FHIT: variants seen among roughly 807,000 people sequenced by gnomAD.
FHIT encodes the protein fragile histidine triad diadenosine triphosphatase.
Under a neutral mutation model 17.9 loss-of-function variants are expected in FHIT, and 19 were observed. The ratio of observed to expected loss-of-function variants is 1.06; its 90% CI spans 0.74 to 1.56. The LOEUF (loss-of-function observed/expected upper bound fraction) is 1.56. Among genes scored for constraint, FHIT ranks in the 40% most tolerant of loss-of-function variants. FHIT has a pLI of 0.00. For missense variants in FHIT, 248 were observed against 189.2 expected, an observed-to-expected ratio of 1.31 and a Z score of -1.82; for synonymous variants, 81 against 69.7, an observed-to-expected ratio of 1.16 and a Z score of -0.81.
chr3:60,450,458 G>C (rs1310450964), intron 5 of FHIT, among the ~76,000 whole-genome samples: 2 of 152,002 alleles, frequency 1.3e-5, no homozygotes, highest in Admixed American at 1.3e-4. Context: ...GTATAGAACT[G>C]TATAGAACTA....
intron 5 of FHIT, among the ~76,000 whole-genome samples, chr3:60,405,090 T>C (rs996883010): frequency 1.2e-4 from 18 of 152,142 alleles, no homozygotes; most frequent in African/African-American, 4.3e-4. Context: ...GAAGATGGGA[T>C]AGGGGTAGGT....
At chr3:60,192,169 C>G (rs1385339760) in intron 5 of FHIT, among the ~76,000 whole-genome samples, 1 of 149,924 alleles carries the variant, frequency 6.7e-6, no homozygotes, top group African/African-American at 2.5e-5. Flanking sequence ...GAGAATCGCT[C>G]GAGCCCGGGA....
At position 60,622,745 on chromosome 3, in the gene FHIT, T is replaced by G. The variant is rs935169652; in HGVS notation, c.-17-85766A>C. Among the ~76,000 whole-genome samples the G allele has an allele frequency of 1.1e-4, 16 of 152,364 alleles. 1 individual carries two copies. In the South Asian group the frequency reaches 1.5e-3, roughly 14 times the overall value. ...GAGGGAGGCATTTCTAGAGAAAGCA[T>G]GCCTGCTTTACGCTAGAATCGCTCA... On this transcript the variant is annotated intron_variant, in intron 4 of 9. Transcript: ENST00000492590.
chr3:59,983,360 A>G (rs1183169968), intron 7 of FHIT, among the ~76,000 whole-genome samples: 1 of 152,124 alleles, frequency 6.6e-6, no homozygotes, highest in Non-Finnish European at 1.5e-5. Flanking sequence ...TTTACTTTCT[A>G]TGGTTTCAAG....
chr3:59,875,853 GCC>G (rs1172402725), intron 8 of FHIT, among the ~76,000 whole-genome samples: 1 of 151,658 alleles, frequency 6.6e-6, no homozygotes, highest in Admixed American at 6.6e-5. Context: ...CCATGCGTCA[GCC>G]ATGAGTAACA....
chr3:60,461,736 C>T (rs1458874907), intron 5 of FHIT, among the ~76,000 whole-genome samples: 2 of 152,146 alleles, frequency 1.3e-5, no homozygotes, highest in Non-Finnish European at 2.9e-5. Flanking sequence ...AGAAAGCAGA[C>T]CATCATTATT....
intron 2 of FHIT, among the ~76,000 whole-genome samples, chr3:61,194,998 G>C (rs552601027): frequency 8.8e-5 from 13 of 147,212 alleles, no homozygotes; most frequent in East Asian, 8.6e-4. Flanking sequence ...AAGGGGCGAG[G>C]GGGGTGGTTA....
At chr3:59,840,766 C>T (rs1029402051) in intron 8 of FHIT, among the ~76,000 whole-genome samples, 7 of 152,122 alleles carry the variant, frequency 4.6e-5, no homozygotes, top group African/African-American at 1.2e-4. Flanking sequence ...CAGGACTAGA[C>T]TACTTAGGTT....
intron 5 of FHIT, among the ~76,000 whole-genome samples, chr3:60,363,617 T>C (rs1699991534): frequency 6.6e-6 from 1 of 152,138 alleles, no homozygotes; most frequent in Non-Finnish European, 1.5e-5. Flanking sequence ...AGCTAGAACT[T>C]GAGCCCACTG....
At chr3:61,139,268 A>G (rs1179502744) in intron 2 of FHIT, among the ~76,000 whole-genome samples, 1 of 152,142 alleles carries the variant, frequency 6.6e-6, no homozygotes, top group Non-Finnish European at 1.5e-5. Flanking sequence ...TGACCTCGTG[A>G]TCTGCCCGCC....
chr3:60,096,242 T>C (rs191693706), intron 5 of FHIT, among the ~76,000 whole-genome samples: 107 of 152,238 alleles, frequency 7.0e-4, no homozygotes, highest in African/African-American at 1.9e-3. Flanking sequence ...GGGAGTTTTA[T>C]TGAGTGATGA....
chr3:59,982,058 C>CCT (rs10662268), intron 7 of FHIT, among the ~76,000 whole-genome samples: 54,574 of 151,816 alleles, frequency 0.36, 10,399 homozygotes, highest in Admixed American at 0.46. Context: ...GCTAGTCTTA[C>CCT]CTCTCTCTAG....
intron 5 of FHIT, among the ~76,000 whole-genome samples, chr3:60,451,530 GC>G (rs2031745925): frequency 6.6e-6 from 1 of 152,054 alleles, no homozygotes; most frequent in Admixed American, 6.6e-5. Context: ...CACTTTTGGT[GC>G]TATTTTCCAG....
chr3:60,394,062 T>C (rs68056303), intron 5 of FHIT, among the ~76,000 whole-genome samples: 30,800 of 152,002 alleles, frequency 0.2, 3,835 homozygotes, highest in East Asian at 0.47. Context: ...GATAGGCTTA[T>C]GGTGTAAGCA....
chr3:59,820,599 A>G (rs1700753408), intron 8 of FHIT, among the ~76,000 whole-genome samples: 1 of 152,226 alleles, frequency 6.6e-6, no homozygotes, highest in African/African-American at 2.4e-5. Flanking sequence ...GTTTGTTTAT[A>G]TATTGTCTTT....
chr3:60,832,024 G>T (rs1702349486), intron 3 of FHIT, among the ~76,000 whole-genome samples: 1 of 151,974 alleles, frequency 6.6e-6, no homozygotes, highest in African/African-American at 2.4e-5. Flanking sequence ...TACCTTACAA[G>T]CTGGCCTAAG....
chr3:60,773,219 C>T (rs1009819461), intron 4 of FHIT, among the ~76,000 whole-genome samples: 5 of 152,104 alleles, frequency 3.3e-5, no homozygotes, highest in East Asian at 1.9e-4. Flanking sequence ...TTAAGGGTTA[C>T]GATCTGCACA....
At chr3:60,422,140 A>G (rs181343753) in intron 5 of FHIT, among the ~76,000 whole-genome samples, 21 of 152,316 alleles carry the variant, frequency 1.4e-4, no homozygotes, top group South Asian at 4.1e-4. Context: ...GCTTATAAGC[A>G]GCAGATTTTT....
At chr3:60,688,302 T>C (rs2040904779) in intron 4 of FHIT, among the ~76,000 whole-genome samples, 1 of 152,182 alleles carries the variant, frequency 6.6e-6, no homozygotes, top group South Asian at 2.1e-4. Flanking sequence ...TCAGGTAATA[T>C]ATGGCAGTGG....
Sources: gnomAD v4.1 joint callset for allele counts (sites outside exome capture counted in the v4.1 genomes callset) on GRCh38, gnomAD v4.1.1 for gene constraint, MANE v1.5 for transcripts, NCBI Gene and HGNC (gene_info 2026-07-23, HGNC 2026-07-21) for gene names.